Variants in KCNQ5 observed in about 807,000 individuals in gnomAD.
KCNQ5 encodes the protein potassium voltage-gated channel subfamily KQT member 5.
In KCNQ5, 30 loss-of-function variants were observed where a neutral mutation model predicts 98.2. The observed-to-expected ratio is 0.31, with a 90% CI of 0.23 to 0.41. KCNQ5 has a LOEUF of 0.41. KCNQ5 is among the 10% of genes least tolerant of loss of function. The probability of loss-of-function intolerance (pLI) is 1.00; values close to 1 mark genes in which losing one functional copy is unlikely to be tolerated. For missense variants in KCNQ5, 835 were observed against 1,182.5 expected, an observed-to-expected ratio of 0.71 and a Z score of 4.31; for synonymous variants, 458 against 449.4, an observed-to-expected ratio of 1.02 and a Z score of -0.24.
chr6:73,146,346 C>T (rs939901538), intron 10 of KCNQ5, among the ~76,000 whole-genome samples: 1 of 152,126 alleles, frequency 6.6e-6, no homozygotes, highest in Non-Finnish European at 1.5e-5. Flanking sequence ...AATTCATCAC[C>T]AGGCACAGTG....
chr6:73,057,450 G>A lies in KCNQ5; in HGVS notation c.616+15388G>A, dbSNP rs572887950. The stretch of plus-strand genomic sequence containing the variant: ...CATGTGTAACAAATCTGCACATTGT[G>A]CACATGTACCTTAGAACTTAAAGTA... On this transcript the variant is annotated intron_variant, in intron 3 of 13. Coordinates refer to ENST00000370398, the MANE Select transcript of KCNQ5 (RefSeq NM_019842.4). Among the ~76,000 whole-genome samples the A allele has an allele frequency of 5.1e-4, 78 of 152,032 alleles. 1 individual carries two copies. Among genetic ancestry groups the A allele is most frequent in the Non-Finnish European group, 1.3e-4 (9 of 67,988 alleles).
intron 1 of KCNQ5, among the ~76,000 whole-genome samples, chr6:72,957,878 T>C (rs1294497713): frequency 6.6e-6 from 1 of 152,146 alleles, no homozygotes; most frequent in Non-Finnish European, 1.5e-5. Flanking sequence ...TCATCTTTTT[T>C]TTCCAGGTCT....
At chr6:72,637,275 G>A (rs924556160) in intron 1 of KCNQ5, among the ~76,000 whole-genome samples, 6 of 151,496 alleles carry the variant, frequency 4.0e-5, no homozygotes, top group African/African-American at 1.5e-4. Flanking sequence ...ACAAAATGAA[G>A]TGTCTGTTTA....
intron 7 of KCNQ5, among the ~76,000 whole-genome samples, chr6:73,116,409 C>T (rs6453641): frequency 0.96 from 145,878 of 152,288 alleles, 69,865 homozygotes; most frequent in South Asian, 0.99. Context: ...CTCATGCCTG[C>T]AACCCCCGCA....
At chr6:72,916,361 G>T (rs1339542760) in intron 1 of KCNQ5, among the ~76,000 whole-genome samples, 1 of 152,156 alleles carries the variant, frequency 6.6e-6, no homozygotes, top group African/African-American at 2.4e-5. Context: ...CGATTTAGTT[G>T]ATATTAGCTC....
chr6:72,987,226 A>G, intron 1 of KCNQ5: 3 of 689,770 alleles, frequency 4.3e-6, no homozygotes, highest in South Asian at 4.1e-5. Context: ...AAAAAGAACA[A>G]GAGGAAAGAG....
At chr6:72,677,713 T>A (rs1767482375) in intron 1 of KCNQ5, among the ~76,000 whole-genome samples, 1 of 152,200 alleles carries the variant, frequency 6.6e-6, no homozygotes, top group South Asian at 2.1e-4. Context: ...AATGAGAAAT[T>A]TATTCTAGGC....
At chr6:72,672,690 T>C (rs1462998647) in intron 1 of KCNQ5, among the ~76,000 whole-genome samples, 1 of 152,092 alleles carries the variant, frequency 6.6e-6, no homozygotes, top group Non-Finnish European at 1.5e-5. Flanking sequence ...CCTTACAAAA[T>C]TGTCAGAATC....
At chr6:72,916,038 T>C (rs1216483694) in intron 1 of KCNQ5, among the ~76,000 whole-genome samples, 1 of 152,220 alleles carries the variant, frequency 6.6e-6, no homozygotes, top group Non-Finnish European at 1.5e-5. Context: ...CTTTGGTTTT[T>C]ATCTCTGATA....
intron 9 of KCNQ5, chr6:73,125,458 A>AT (rs759546651): frequency 3.1e-5 from 16 of 517,634 alleles, no homozygotes; most frequent in South Asian, 1.8e-4. Context: ...GAAGAGATAC[A>AT]TTTTTTTTCC....
chr6:72,703,554 A>T (rs1175214270), intron 1 of KCNQ5, among the ~76,000 whole-genome samples: 2 of 152,206 alleles, frequency 1.3e-5, no homozygotes, highest in Non-Finnish European at 2.9e-5. Context: ...ACCATTTCTT[A>T]AAAAATGTTT....
intron 1 of KCNQ5, among the ~76,000 whole-genome samples, chr6:72,999,294 G>T (rs1769453444): frequency 6.6e-6 from 1 of 152,118 alleles, no homozygotes; most frequent in African/African-American, 2.4e-5. Context: ...CTTTGAGTTG[G>T]TAATATTTAA....
At chr6:72,889,244 G>A (rs1360834141) in intron 1 of KCNQ5, among the ~76,000 whole-genome samples, 1 of 152,126 alleles carries the variant, frequency 6.6e-6, no homozygotes, top group African/African-American at 2.4e-5. Context: ...CCTGGAGTGT[G>A]ATTGTGCTTG....
intron 1 of KCNQ5, among the ~76,000 whole-genome samples, chr6:72,894,562 G>T (rs1041412858): frequency 7.2e-5 from 11 of 152,284 alleles, no homozygotes; most frequent in South Asian, 2.1e-4. Flanking sequence ...AAGAGGTGAA[G>T]AAAATTAATT....
At chr6:72,984,643 A>G (rs7774281) in intron 1 of KCNQ5, among the ~76,000 whole-genome samples, 17,246 of 152,128 alleles carry the variant, frequency 0.11, 1,321 homozygotes, top group East Asian at 0.2. Flanking sequence ...AGGAAACGGA[A>G]ATCCCCCCAC....
chr6:72,917,218 A>T (rs1780185372), intron 1 of KCNQ5, among the ~76,000 whole-genome samples: 1 of 152,212 alleles, frequency 6.6e-6, no homozygotes, highest in Admixed American at 6.5e-5. Context: ...GAAATAAATT[A>T]GATTGAATAA....
chr6:73,015,215 A>C lies in KCNQ5; in HGVS notation c.489+11217A>C, dbSNP rs116848664. On this transcript the variant is annotated intron_variant, in intron 2 of 13. Coordinates refer to ENST00000370398, the MANE Select transcript of KCNQ5 (RefSeq NM_019842.4). ...TAATTTACTGCAGAAAGCTCTCAGA[A>C]TATCCCAATGAACATTGAAAACTGC... Among the ~76,000 whole-genome samples the C allele has an allele frequency of 4.9e-3, 752 of 152,264 alleles. 6 individuals carry two copies. The highest frequency in any genetic ancestry group is 0.01 in the Middle Eastern group (3 of 294).
At chr6:72,897,319 T>C (rs1177009660) in intron 1 of KCNQ5, among the ~76,000 whole-genome samples, 1 of 152,044 alleles carries the variant, frequency 6.6e-6, no homozygotes, top group Admixed American at 6.6e-5. Context: ...GGCGGGTAGA[T>C]CACTTGAGGT....
At chr6:72,681,205 G>A (rs1565076552) in intron 1 of KCNQ5, among the ~76,000 whole-genome samples, 1 of 152,208 alleles carries the variant, frequency 6.6e-6, no homozygotes, top group African/African-American at 2.4e-5. Flanking sequence ...AGCAATGGGG[G>A]CTTTCTGTGT....
Sources: allele counts gnomAD v4.1 joint callset (sites outside exome capture counted in the v4.1 genomes callset), GRCh38; gene constraint gnomAD v4.1.1; transcripts MANE v1.5; gene names NCBI Gene and HGNC (gene_info 2026-07-23, HGNC 2026-07-21).